SYT2: variants seen among roughly 807,000 people sequenced by gnomAD.
The protein encoded by SYT2 is synaptotagmin-2.
A neutral mutation model predicts 39.9 loss-of-function variants in SYT2; 15 were observed. The ratio of observed to expected loss-of-function variants is 0.38; its 90% CI spans 0.25 to 0.58. SYT2 has a LOEUF of 0.58. SYT2 is among the 20% of genes least tolerant of loss of function. The pLI, the probability that SYT2 is intolerant of heterozygous loss-of-function variation, is 0.70. For missense variants in SYT2, 389 were observed against 530.3 expected, an observed-to-expected ratio of 0.73 and a Z score of 2.62; for synonymous variants, 181 against 204.5, an observed-to-expected ratio of 0.89 and a Z score of 0.98.
At chr1:202,702,119 TG>T (rs1311758670) in intron 1 of SYT2, among the ~76,000 whole-genome samples, 2 of 152,194 alleles carry the variant, frequency 1.3e-5, no homozygotes, top group African/African-American at 4.8e-5. Flanking sequence ...GGTGAGGACC[TG>T]GGCTTCTATT....
intron 1 of SYT2, among the ~76,000 whole-genome samples, chr1:202,672,678 T>C (rs1692615149): frequency 8.0e-6 from 1 of 125,306 alleles, no homozygotes; most frequent in South Asian, 2.7e-4. Context: ...CAGAACACAG[T>C]GGTTAAAACT....
intron 1 of SYT2, among the ~76,000 whole-genome samples, chr1:202,648,437 C>T (rs1433777121): frequency 6.6e-6 from 1 of 152,180 alleles, no homozygotes; most frequent in Non-Finnish European, 1.5e-5. Context: ...CCACCTTGGC[C>T]TTTCAAAGTG....
Position 202,629,153 on chromosome 1 carries a change from T to A in SYT2, c.-17-23364A>T, listed in dbSNP as rs1259273203. 8.5e-5 allele frequency among the ~76,000 whole-genome samples: 13 copies of A among 152,332 alleles called. No homozygotes were observed. The South Asian group carries it at 1.4e-3, about 17-fold the overall frequency. On this transcript the variant is annotated intron_variant, in intron 1 of 8. Transcript: ENST00000367268. ...CCAGGTTAAGCCAATACCCTTTTTT[T>A]AAATTATTATTTTCTGAGATAATTC...
intron 1 of SYT2, among the ~76,000 whole-genome samples, chr1:202,645,537 T>C (rs1281751289): frequency 6.6e-6 from 1 of 152,106 alleles, no homozygotes; most frequent in African/African-American, 2.4e-5. Context: ...GCTGCTTAGA[T>C]GAAAAGGGAT....
In SYT2 at chr1:202,591,943, C is replaced by T. The variant is rs1480206648; in HGVS notation, c.*4814G>A. 2 of 152,880 alleles carry T rather than the reference C, an allele frequency of 1.3e-5. No individual in the cohort carries two copies. The highest frequency in any genetic ancestry group is 2.9e-5 in the Non-Finnish European group (2 of 68,246). The allele number at this position is 152,880 out of a possible 1,614,324, so 9.5% of individuals were successfully genotyped here. ...CCGAGAAAGCCAGCTCGGGCAGGGC[C>T]AGCATGGGCATCTCCTGAGACCCCA... On this transcript the variant is annotated 3_prime_UTR_variant, in exon 9 of 9. Coordinates refer to ENST00000367268, the MANE Select transcript of SYT2 (RefSeq NM_177402.5).
intron 1 of SYT2, among the ~76,000 whole-genome samples, chr1:202,683,573 T>C (rs1477729365): frequency 6.6e-6 from 1 of 151,986 alleles, no homozygotes; most frequent in Non-Finnish European, 1.5e-5. Context: ...ACCCCATCTC[T>C]ACAAAAAATA....
intron 1 of SYT2, among the ~76,000 whole-genome samples, chr1:202,634,101 C>G (rs900710540): frequency 6.6e-6 from 1 of 152,212 alleles, no homozygotes; most frequent in African/African-American, 2.4e-5. Context: ...GCCTCCATTT[C>G]TTCACTTTAT....
At chr1:202,655,373 G>A (rs1186187722) in intron 1 of SYT2, among the ~76,000 whole-genome samples, 1 of 152,096 alleles carries the variant, frequency 6.6e-6, no homozygotes, top group Admixed American at 6.5e-5. Flanking sequence ...TGTGTTCTGG[G>A]TTGTTGTTGT....
intron 1 of SYT2, among the ~76,000 whole-genome samples, chr1:202,648,935 T>G (rs1387030158): frequency 1.3e-5 from 2 of 152,208 alleles, no homozygotes; most frequent in African/African-American, 2.4e-5. Context: ...TGGCTGTGTG[T>G]AGAATGAAAG....
At chr1:202,709,362 G>A (rs537359417) in intron 1 of SYT2, among the ~76,000 whole-genome samples, 2 of 152,218 alleles carry the variant, frequency 1.3e-5, no homozygotes, top group Non-Finnish European at 2.9e-5. Flanking sequence ...ATGTGGGGAT[G>A]AAAAGGGAGG....
At position 202,600,399 on chromosome 1, in the gene SYT2, C is replaced by A; in HGVS notation, c.877G>T (p.Glu293Ter). Reference sequence around the variant, plus strand: ...TCCATCTTCTTGAGGTTCTTAGCCTCCAGGATGCAGACAGTGAGCTTCCCG... The same window carrying A: ...TCCATCTTCTTGAGGTTCTTAGCCTACAGGATGCAGACAGTGAGCTTCCCG... ...TAGKLTVCIL[E>*]AKNLKKMDVG... The change falls in exon 7 of 9, where the codon GAG becomes TAG. Residue 293 changes from glutamate (E) to a stop codon, truncating the protein, a stop_gained. Transcript: ENST00000367268. LOFTEE classifies it high-confidence loss of function. 6.2e-7 allele frequency: 1 copy of A among 1,614,226 alleles called. No individual in the cohort carries two copies. Among genetic ancestry groups the A allele is most frequent in the Non-Finnish European group, 8.5e-7 (1 of 1,180,032 alleles).
At chr1:202,618,805 C>A (rs528261745) in intron 1 of SYT2, among the ~76,000 whole-genome samples, 1 of 152,246 alleles carries the variant, frequency 6.6e-6, no homozygotes, top group African/African-American at 2.4e-5. Context: ...AGCTGAGAGA[C>A]CAAGATTCCC....
intron 1 of SYT2, among the ~76,000 whole-genome samples, 166 bp downstream of exon 1, chr1:202,710,091 TC>T (rs908693195): frequency 2.7e-5 from 4 of 147,712 alleles, no homozygotes; most frequent in Non-Finnish European, 4.5e-5. Context: ...GCTTCCAAAC[TC>T]CCCCAAAGGA....
chr1:202,618,669 T>G (rs1691117937), intron 1 of SYT2, among the ~76,000 whole-genome samples: 1 of 152,182 alleles, frequency 6.6e-6, no homozygotes, highest in African/African-American at 2.4e-5. Context: ...AAATGAGATG[T>G]TGCATGGGTA....
chr1:202,602,126 G>T, intron 5 of SYT2, 69 bp from the exon 6 acceptor site: 1 of 1,573,276 alleles, frequency 6.4e-7, no homozygotes, highest in Non-Finnish European at 8.7e-7. Flanking sequence ...CTATGGGCAG[G>T]GGCCTGCATT....
At position 202,599,164 on chromosome 1, in the gene SYT2, CAT is replaced by C. The variant is rs1207426341; in HGVS notation, c.1053+52_1053+53del. On this transcript the variant is annotated intron_variant, in intron 8 of 8. Coordinates refer to ENST00000367268, the MANE Select transcript of SYT2 (RefSeq NM_177402.5). This position sits in a 1 kb window ranked among gnomAD's most constrained non-coding sequence, Gnocchi z 4.4. ...GTTCCCTCTCTTCAACCTCCCCATA[CAT>C]GTTTGCCTCCCCAAACCCTGCTCCA... 202 of 1,602,212 alleles carry C rather than the reference CAT, an allele frequency of 1.3e-4. No individual in the cohort carries two copies. Among genetic ancestry groups the C allele is most frequent in the Non-Finnish European group, 1.6e-4 (184 of 1,176,456 alleles).
chr1:202,694,371 G>T (rs142109992), intron 1 of SYT2, among the ~76,000 whole-genome samples: 162 of 152,278 alleles, frequency 1.1e-3, no homozygotes, highest in African/African-American at 3.5e-3. Context: ...ATTGAGGGTG[G>T]ATGACTGTGG....
At chr1:202,702,032 A>T (rs532308308) in intron 1 of SYT2, among the ~76,000 whole-genome samples, 1 of 152,020 alleles carries the variant, frequency 6.6e-6, no homozygotes, top group Admixed American at 6.6e-5. Context: ...CCCCTTCCCC[A>T]TTGCCTCACC....
intron 1 of SYT2, chr1:202,630,357 G>A (rs1012890783): frequency 2.0e-5 from 20 of 984,884 alleles, no homozygotes; most frequent in South Asian, 4.7e-5. Flanking sequence ...CCAATAGAGC[G>A]CCGTGCATCC....
Sources: gnomAD v4.1 joint callset for allele counts (sites outside exome capture counted in the v4.1 genomes callset) on GRCh38, gnomAD v4.1.1 for gene constraint, Gnocchi (gnomAD v3.1) non-coding constraint, MANE v1.5 for transcripts, NCBI Gene and HGNC (gene_info 2026-07-23, HGNC 2026-07-21) for gene names.